The following NIPBL variants were observed in gnomAD, a reference collection of about 807,000 sequenced individuals.
The protein encoded by NIPBL is nipped-B-like protein.
Under a neutral mutation model 321.8 loss-of-function variants are expected in NIPBL, and 19 were observed. The observed-to-expected ratio is 0.06, with a 90% CI of 0.04 to 0.09. The LOEUF (loss-of-function observed/expected upper bound fraction) is 0.09, where lower values mean the gene tolerates loss of function less well. Among genes scored for constraint, NIPBL ranks in the 10% least tolerant of loss-of-function variants. The probability of loss-of-function intolerance (pLI) is 1.00; values close to 1 mark genes in which losing one functional copy is unlikely to be tolerated. For synonymous variants in NIPBL, 1,106 were observed against 1,114.1 expected, an observed-to-expected ratio of 0.99 and a Z score of 0.14; for missense variants, 2,210 against 3,327.0, an observed-to-expected ratio of 0.66 and a Z score of 8.26.
intron 2 of NIPBL, among the ~76,000 whole-genome samples, chr5:36,954,304 A>G (rs1412016301): frequency 1.3e-5 from 2 of 152,232 alleles, no homozygotes; most frequent in Non-Finnish European, 2.9e-5. Context: ...AGTATCTTCA[A>G]GAAATGTTTT....
chr5:37,001,146 A>C, intron 14 of NIPBL, 68 bp downstream of exon 14: 9 of 1,019,468 alleles, frequency 8.8e-6, no homozygotes, highest in Non-Finnish European at 1.2e-5. Context: ...AGAGTAACTC[A>C]GTTACTCTAG....
intron 1 of NIPBL, among the ~76,000 whole-genome samples, chr5:36,904,288 GT>G (rs1374639988): frequency 6.6e-6 from 1 of 152,186 alleles, no homozygotes; most frequent in African/African-American, 2.4e-5. Context: ...GGCCAACGTG[GT>G]GAAACCCTAT....
At position 36,985,695 on chromosome 5, in the gene NIPBL, A is replaced by G. The variant is rs780665254; in HGVS notation, c.2515A>G (p.Arg839Gly). 32 of 1,613,804 alleles carry G rather than the reference A, an allele frequency of 2.0e-5. No homozygotes were observed. Among genetic ancestry groups the G allele is most frequent in the Non-Finnish European group, 2.5e-5 (30 of 1,179,958 alleles). Residue 839 changes from arginine (R) to glycine (G), a missense_variant, in exon 10 of 47, where the codon AGG becomes GGG. Around this residue, in one of 14 missense-constraint regions of NIPBL, gnomAD observed 588 missense variants for 564.1 expected, o/e 1.04. Transcript: ENST00000282516. ...AGAGCGACATCGAGGGGATCAGTCT[A>G]GGGTTCGAAGACCAGAAACATTGAG... ...ESERHRGDQS[R>G]VRRPETLRSS...
intron 1 of NIPBL, among the ~76,000 whole-genome samples, chr5:36,904,239 G>A (rs1043979739): frequency 2.0e-5 from 3 of 152,254 alleles, no homozygotes; most frequent in Non-Finnish European, 2.9e-5. Context: ...GGGAGGCCGA[G>A]TTGGGCTGAT....
intron 1 of NIPBL, among the ~76,000 whole-genome samples, chr5:36,892,756 G>A (rs1019830436): frequency 6.6e-6 from 1 of 152,044 alleles, no homozygotes; most frequent in Non-Finnish European, 1.5e-5. Flanking sequence ...CTTGGACACA[G>A]GAGGGGGAAC....
At chr5:36,951,995 GCTTA>G (rs1740347373) in intron 1 of NIPBL, among the ~76,000 whole-genome samples, 1 of 138,512 alleles carries the variant, frequency 7.2e-6, no homozygotes, top group Non-Finnish European at 1.5e-5. Context: ...TTCTATGGAT[GCTTA>G]CTTTATAACT....
At chr5:36,982,481 TACTTTTCAGTAGTTGAACG>T (rs1744256132) in intron 9 of NIPBL, among the ~76,000 whole-genome samples, 1 of 151,830 alleles carries the variant, frequency 6.6e-6, no homozygotes, top group Admixed American at 6.6e-5. Flanking sequence ...AGGAGTAAAG[TACTTTTCAGTAGTTGAACG>T]ATTAAAATTT....
rs778086908 is a variant in NIPBL at position 36,984,809 on chromosome 5, T to C, written c.1629T>C (p.Ile543=). ...CAAGGCCAGCATTAATGGTTAGCAT[T>C]GATCTTCATCAGGCAGGAAGAGTGG... ...NGSRPALMVS[I]DLHQAGRVDS... Residue 543 remains isoleucine, a synonymous_variant, in exon 10 of 47, where the codon ATT becomes ATC. Transcript: ENST00000282516. 12 of 1,613,740 alleles carry C rather than the reference T, an allele frequency of 7.4e-6. No individual in the cohort carries two copies. The African/African-American group carries it at 1.6e-4, about 22-fold the overall frequency.
At chr5:36,897,282 A>G (rs186104237) in intron 1 of NIPBL, among the ~76,000 whole-genome samples, 296 of 152,304 alleles carry the variant, frequency 1.9e-3, no homozygotes, top group Middle Eastern at 3.4e-3. Flanking sequence ...GATTACAAGC[A>G]TGAGCCACCG....
intron 1 of NIPBL, among the ~76,000 whole-genome samples, chr5:36,910,003 G>GA (rs1747926455): frequency 6.6e-6 from 1 of 152,074 alleles, no homozygotes; most frequent in African/African-American, 2.4e-5. Context: ...TTGAACCTGG[G>GA]AGGCAGAGGG....
At chr5:36,921,884 T>G (rs920020605) in intron 1 of NIPBL, among the ~76,000 whole-genome samples, 8 of 143,330 alleles carry the variant, frequency 5.6e-5, no homozygotes, top group African/African-American at 1.6e-4. Context: ...TGGTTTTGGG[T>G]TTTTTTTGTT....
At chr5:36,958,289 C>A in intron 4 of NIPBL, 58 bp downstream of exon 4, 1 of 1,567,310 alleles carries the variant, frequency 6.4e-7, no homozygotes, top group Non-Finnish European at 8.8e-7. Context: ...TATTTAAATC[C>A]AGGTGTCTTC....
At chr5:37,049,790 C>T (rs1309345878) in intron 40 of NIPBL, among the ~76,000 whole-genome samples, 1 of 152,180 alleles carries the variant, frequency 6.6e-6, no homozygotes, top group East Asian at 1.9e-4. Context: ...GTAATAAAGA[C>T]ATTAGTGTTA....
intron 16 of NIPBL, 112 bp downstream of exon 16, chr5:37,003,459 CT>C (rs1747056185): frequency 3.0e-6 from 2 of 665,218 alleles, no homozygotes; most frequent in East Asian, 5.1e-5. Context: ...CTACAGTCAA[CT>C]GTGATCTGAA....
At chr5:36,888,288 T>C (rs753972615) in intron 1 of NIPBL, among the ~76,000 whole-genome samples, 9 of 152,186 alleles carry the variant, frequency 5.9e-5, no homozygotes, top group South Asian at 2.1e-4. Context: ...TGTTCTGTTA[T>C]ATCTAAAATT....
At chr5:36,885,938 G>A (rs763494028) in intron 1 of NIPBL, 20 of 735,384 alleles carry the variant, frequency 2.7e-5, no homozygotes, top group South Asian at 1.4e-4. Context: ...TCAGGACCTC[G>A]CCAAGATCAT....
At chr5:36,990,988 T>C (rs1170889346) in intron 10 of NIPBL, among the ~76,000 whole-genome samples, 4 of 151,560 alleles carry the variant, frequency 2.6e-5, no homozygotes, top group African/African-American at 9.7e-5. Context: ...TTCCCTTTTA[T>C]ATTCTAAAAA....
chr5:37,064,138 C>A, intron 46 of NIPBL, 160 bp downstream of exon 46: 1 of 1,428,970 alleles, frequency 7.0e-7, no homozygotes, highest in Non-Finnish European at 9.2e-7. Context: ...GTTTATACAT[C>A]CTTTTGTAGA....
chr5:37,043,953 G>A (rs867368619), intron 34 of NIPBL, among the ~76,000 whole-genome samples: 5 of 152,102 alleles, frequency 3.3e-5, no homozygotes, highest in African/African-American at 7.2e-5. Context: ...GTCAGGATAC[G>A]GGGGAAGAAG....
Sources: gnomAD v4.1 joint callset for allele counts (sites outside exome capture counted in the v4.1 genomes callset) on GRCh38, gnomAD v4.1.1 for gene constraint, gnomAD v4.1.1 regional missense constraint, MANE v1.5 for transcripts, NCBI Gene and HGNC (gene_info 2026-07-23, HGNC 2026-07-21) for gene names.